The following NOS2 variants were observed in gnomAD, a reference collection of about 807,000 sequenced individuals.
NOS2 encodes the protein nitric oxide synthase, inducible.
A neutral mutation model predicts 136.0 loss-of-function variants in NOS2; 96 were observed. That is an observed-to-expected ratio of 0.71 (90% CI 0.60 to 0.84). NOS2 has a LOEUF of 0.84. NOS2 is among the 40% of genes least tolerant of loss of function. The pLI, the probability that NOS2 is intolerant of heterozygous loss-of-function variation, is 0.00. For synonymous variants in NOS2, 539 were observed against 587.5 expected (o/e 0.92, Z 1.20); for missense variants, 1,237 against 1,496.9 (o/e 0.83, Z 2.87).
chr17:27,783,070 C>T lies in NOS2; in HGVS notation c.504G>A (p.Ala168=), dbSNP rs775527190. ...CTGTTGTTTCTATCTCCTTTGTTAC[C>T]GCTTCCACCCTGGCCAGATGTTCCT... ...KIEEHLARVE[A]VTKEIETTGT... Residue 168 remains alanine (A), a synonymous_variant, in exon 6 of 27, where the codon GCG becomes GCA. Coordinates refer to ENST00000313735, the MANE Select transcript of NOS2 (RefSeq NM_000625.4). 5.6e-6 allele frequency: 9 copies of T among 1,614,028 alleles called. No homozygotes were observed. Among genetic ancestry groups the T allele is most frequent in the South Asian group, 1.1e-5 (1 of 91,080 alleles).
At chr17:27,798,343 C>T (rs954058688) in intron 2 of NOS2, among the ~76,000 whole-genome samples, 1 of 152,152 alleles carries the variant, frequency 6.6e-6, no homozygotes, top group Admixed American at 6.5e-5. Flanking sequence ...TTGGAATGGA[C>T]GCAGGCCAGG....
chr17:27,765,526 G>A lies in NOS2; in HGVS notation c.2428+9C>T, dbSNP rs28944178. On this transcript the variant is annotated intron_variant, in intron 20 of 26. Transcript: ENST00000313735. ...CCAGGCAGCACTGGCTTTCTAGCCCGGGGCTCACCACTCTCATCCAGGGCC... is the reference window on the plus strand; with the variant it reads ...CCAGGCAGCACTGGCTTTCTAGCCCAGGGCTCACCACTCTCATCCAGGGCC... The A allele has an allele frequency of 7.5e-3, 11,855 of 1,585,142 alleles. 60 individuals carry two copies. Among genetic ancestry groups the A allele is most frequent in the Non-Finnish European group, 8.9e-3 (10,416 of 1,166,736 alleles).
chr17:27,773,033 T>A lies in NOS2; in HGVS notation c.1559+128A>T. 5 of 812,868 alleles carry A rather than the reference T, an allele frequency of 6.2e-6. 1 individual carries two copies. The highest frequency in any genetic ancestry group is 1.1e-5 in the Non-Finnish European group (5 of 471,498). 50.4% of individuals were successfully genotyped at this position (812,868 alleles called of 1,614,324 possible). A position where few individuals can be genotyped will look rare whatever the true frequency, so the allele number is the denominator to read the frequency against. ...CTGGGTGACAGAGTAAGACCCTGTC[T>A]CAAAAACAAAAGCAAAAAGCATAAC... On this transcript the variant is annotated intron_variant, in intron 13 of 26. Transcript: ENST00000313735.
chr17:27,787,588 G>C (rs1221682600), intron 5 of NOS2, 90 bp downstream of exon 5: 2 of 988,506 alleles, frequency 2.0e-6, no homozygotes, highest in African/African-American at 3.3e-5. Flanking sequence ...GAAAGAAAAG[G>C]GATCTAGCTA....
rs1309280634 is a variant in NOS2, at chr17:27,783,009, C to T, written c.565G>A (p.Ala189Thr). The change falls in exon 6 of 27, where the codon GCC (alanine) becomes ACC (threonine). Residue 189 changes from alanine to threonine, a missense_variant. Physicochemically the swap from Ala to Thr is moderately conservative, Grantham distance 58. Coordinates refer to ENST00000313735, the MANE Select transcript of NOS2 (RefSeq NM_000625.4). ...YQLTGDELIF[A>T]TKQAWRNAPR... ...GCATTGCGCCAGGCCTGCTTGGTGGCGAAGATGAGCTCATCTCCCGTCAGT... is the reference window on the plus strand; with the variant it reads ...GCATTGCGCCAGGCCTGCTTGGTGGTGAAGATGAGCTCATCTCCCGTCAGT... 18 of 1,614,030 alleles carry T rather than the reference C, an allele frequency of 1.1e-5. No homozygotes were observed. Among genetic ancestry groups the T allele is most frequent in the South Asian group, 2.2e-5 (2 of 91,088 alleles).
chr17:27,771,106 G>GC (rs1567636291), intron 14 of NOS2, 89 bp from the exon 15 acceptor site: 5 of 902,830 alleles, frequency 5.5e-6, no homozygotes, highest in African/African-American at 1.6e-5. Context: ...CTCCCACACT[G>GC]CCCCCAGGCT....
At chr17:27,782,319 C>T (rs914881569) in intron 6 of NOS2, among the ~76,000 whole-genome samples, 2 of 152,216 alleles carry the variant, frequency 1.3e-5, no homozygotes, top group African/African-American at 4.8e-5. Context: ...GCTCCCATTT[C>T]ATGGCTGCCC....
Position 27,763,987 on chromosome 17 carries a change from C to G in NOS2, c.2586G>C (p.Leu862=). 1 of 1,612,688 alleles carries G rather than the reference C, an allele frequency of 6.2e-7. No homozygotes were observed. Among genetic ancestry groups the G allele is most frequent in the Non-Finnish European group, 8.5e-7 (1 of 1,179,410 alleles). ...CACCAGCCCTGATCTTCACCTGGCA[C>G]AGGGCCTCCAGCCTCTGTCTCTCAG... ...EEPERQRLEA[L]CQPSEYSKWK... is the part of the protein sequence containing the mutation. The change falls in exon 21 of 27, where the codon CTG becomes CTC. Residue 862 remains leucine, a synonymous_variant. Coordinates refer to ENST00000313735, the MANE Select transcript of NOS2 (RefSeq NM_000625.4).
At chr17:27,791,679 CTAAA>C (rs1436060494) in intron 2 of NOS2, among the ~76,000 whole-genome samples, 1 of 151,420 alleles carries the variant, frequency 6.6e-6, no homozygotes, top group Non-Finnish European at 1.5e-5. Context: ...TGAGATGGTC[CTAAA>C]TAAAGACTTC....
At chr17:27,766,405 A>G (rs1908304158) in intron 19 of NOS2, 105 bp downstream of exon 19, 4 of 1,039,320 alleles carry the variant, frequency 3.8e-6, no homozygotes, top group Non-Finnish European at 6.0e-6. Flanking sequence ...TAATGCCAGC[A>G]TATGCTCTTC....
rs141690665 is a variant in NOS2 at position 27,781,152 on chromosome 17, G to T, written c.748C>A (p.Arg250=). 6.2e-7 allele frequency: 1 copy of T among 1,610,398 alleles called. No individual in the cohort carries two copies. Residue 250 remains arginine (R), a synonymous_variant, in exon 8 of 27, where the codon CGG becomes AGG. Transcript: ENST00000313735. ...CGGAAGTCGTGCTTGCCATCACTCC[G>T]CTGGGGGAACACGGTGATGGCCGAC... ...IRSAITVFPQ[R]SDGKHDFRVW... is the part of the protein sequence containing the mutation.
Position 27,789,587 on chromosome 17 carries a change from C to G in NOS2, c.195+17G>C. 5 of 1,598,302 alleles carry G rather than the reference C, an allele frequency of 3.1e-6. No individual in the cohort carries two copies. The highest frequency in any genetic ancestry group is 3.4e-6 in the Non-Finnish European group (4 of 1,165,696). The stretch of plus-strand genomic sequence containing the variant: ...CCAGGGAGGAAGGGGCTTCCCACAC[C>G]CATGTGACTCACTGACCTTTCCCGT... On this transcript the variant is annotated intron_variant, in intron 3 of 26. Coordinates refer to ENST00000313735, the MANE Select transcript of NOS2 (RefSeq NM_000625.4).
At chr17:27,793,513 A>T (rs1404077334) in intron 2 of NOS2, 1 of 394,756 alleles carries the variant, frequency 2.5e-6, no homozygotes, top group African/African-American at 2.1e-5. Flanking sequence ...GATTTCTCCC[A>T]GAGAGAGATG....
chr17:27,796,062 A>G (rs1194088035), intron 2 of NOS2, among the ~76,000 whole-genome samples: 1 of 152,168 alleles, frequency 6.6e-6, no homozygotes, highest in Non-Finnish European at 1.5e-5. Context: ...GAAAGACAGC[A>G]GATAGATCAC....
chr17:27,789,386 TG>T (rs1242431296), intron 3 of NOS2, among the ~76,000 whole-genome samples: 1 of 152,096 alleles, frequency 6.6e-6, no homozygotes, highest in Non-Finnish European at 1.5e-5. Context: ...CAGTGCACCT[TG>T]GGGGCCACCA....
chr17:27,798,043 T>C lies in NOS2; in HGVS notation c.110+657A>G, dbSNP rs532015123. 1.8e-4 allele frequency among the ~76,000 whole-genome samples: 27 copies of C among 152,104 alleles called. 1 individual carries two copies. In the South Asian group the frequency reaches 4.0e-3, roughly 22 times the overall value. Reference sequence around the variant, plus strand: ...AGCTCTGGCAAGGGCAGGTACTCAGTAGATGGTGATGAACCCTGATGTGGA... The same window carrying C: ...AGCTCTGGCAAGGGCAGGTACTCAGCAGATGGTGATGAACCCTGATGTGGA... On this transcript the variant is annotated intron_variant, in intron 2 of 26. Coordinates refer to ENST00000313735, the MANE Select transcript of NOS2 (RefSeq NM_000625.4).
At chr17:27,769,488 G>C in intron 16 of NOS2, 47 bp downstream of exon 16, 1 of 1,542,202 alleles carries the variant, frequency 6.5e-7, no homozygotes. Flanking sequence ...CCCAGACTTT[G>C]GGTCCACAGG....
chr17:27,795,095 A>G (rs1051989118), intron 2 of NOS2, among the ~76,000 whole-genome samples: 1 of 152,002 alleles, frequency 6.6e-6, no homozygotes, highest in Non-Finnish European at 1.5e-5. Context: ...TCTACACTCC[A>G]TCCCACCTAC....
rs745804011 is a variant in NOS2 at position 27,760,628 on chromosome 17, T to A, written c.3005A>T (p.His1002Leu). Residue 1002 changes from histidine (H) to leucine (L), a missense_variant, in exon 24 of 27, where the codon CAC becomes CTC. Around this residue, in one of 3 missense-constraint regions of NOS2, gnomAD observed 782 missense variants for 909.9 expected, o/e 0.86. Transcript: ENST00000313735. The stretch of plus-strand genomic sequence containing the variant: ...TGGGAAGCCTCCAGCCTTACCCTTG[T>A]GCTGGGAGTCATGGAGCCGTTGCTG... Reference protein sequence around the residue: ...FWQQRLHDSQHKGVRGGRMTL... With the variant: ...FWQQRLHDSQLKGVRGGRMTL... 66 of 1,553,656 alleles carry A rather than the reference T, an allele frequency of 4.2e-5. 2 individuals carry two copies. The South Asian group carries it at 7.6e-4, about 18-fold the overall frequency.
Sources: gnomAD v4.1 joint callset for allele counts (sites outside exome capture counted in the v4.1 genomes callset) on GRCh38, gnomAD v4.1.1 for gene constraint, gnomAD v4.1.1 regional missense constraint, MANE v1.5 for transcripts, NCBI Gene and HGNC (gene_info 2026-07-23, HGNC 2026-07-21) for gene names.